Variants in RSPO2 observed in about 807,000 individuals in gnomAD.
The protein encoded by RSPO2 is R-spondin 2, also known as R-spondin-2.
RSPO2 carries 14 observed loss-of-function variants against 30.9 expected under a neutral mutation model. The observed-to-expected ratio is 0.45, with a 90% confidence interval of 0.30 to 0.71. RSPO2 has a LOEUF of 0.71. Among genes scored for constraint, RSPO2 ranks in the 30% least tolerant of loss-of-function variants. The pLI is 0.08. For missense variants in RSPO2, 264 were observed against 301.9 expected (o/e 0.87, Z 0.93); for synonymous variants, 107 against 96.4 (o/e 1.11, Z -0.64).
At chr8:108,030,840 T>A (rs951935106) in intron 2 of RSPO2, among the ~76,000 whole-genome samples, 4 of 152,232 alleles carry the variant, frequency 2.6e-5, no homozygotes, top group African/African-American at 9.6e-5. Flanking sequence ...TTTCTGTTAA[T>A]GACTGAGTTT....
chr8:108,047,733 C>T lies in RSPO2; in HGVS notation c.94+34812G>A, dbSNP rs1000310702. On this transcript the variant is annotated intron_variant, in intron 2 of 5. Coordinates refer to ENST00000276659, the MANE Select transcript of RSPO2 (RefSeq NM_178565.5). Reference sequence around the variant, plus strand: ...AGACATGGTGGCACATACCTGTAGTCCCAGCTATTTGGGAGGCTGAGGCAG... The same window carrying T: ...AGACATGGTGGCACATACCTGTAGTTCCAGCTATTTGGGAGGCTGAGGCAG... Among the ~76,000 whole-genome samples the T allele has an allele frequency of 6.6e-5, 10 of 151,924 alleles. No homozygotes were observed. In the South Asian group the frequency reaches 1.9e-3, roughly 29 times the overall value.
At chr8:107,990,997 G>A (rs140347183) in intron 2 of RSPO2, among the ~76,000 whole-genome samples, 183 of 152,274 alleles carry the variant, frequency 1.2e-3, no homozygotes, top group African/African-American at 3.2e-3. Flanking sequence ...TTGGGAGGCC[G>A]AGGCAGGCAG....
intron 2 of RSPO2, among the ~76,000 whole-genome samples, chr8:108,069,279 T>C (rs529107191): frequency 6.6e-6 from 1 of 152,092 alleles, no homozygotes; most frequent in Admixed American, 6.5e-5. Flanking sequence ...AGTGGCACAA[T>C]CTCAGCTTGC....
intron 2 of RSPO2, among the ~76,000 whole-genome samples, chr8:108,017,654 C>T (rs1020942222): frequency 5.9e-5 from 9 of 152,156 alleles, no homozygotes; most frequent in Non-Finnish European, 1.2e-4. Context: ...AACAGTTTTT[C>T]ATTACAGGTC....
intron 3 of RSPO2, chr8:107,983,878 A>T: frequency 4.7e-6 from 7 of 1,482,816 alleles, no homozygotes; most frequent in Non-Finnish European, 6.6e-6. Flanking sequence ...AAAGCCAAGG[A>T]CATTCCTGTC....
intron 3 of RSPO2, among the ~76,000 whole-genome samples, chr8:107,981,900 G>A (rs534063491): frequency 6.6e-6 from 1 of 151,382 alleles, no homozygotes; most frequent in South Asian, 2.1e-4. Context: ...TGGCTATAGT[G>A]GCACACGACT....
chr8:107,996,211 G>A (rs1006305352), intron 2 of RSPO2, among the ~76,000 whole-genome samples: 1 of 152,180 alleles, frequency 6.6e-6, no homozygotes, highest in Non-Finnish European at 1.5e-5. Flanking sequence ...AAGGTAGCTA[G>A]AGAGAATCCA....
intron 2 of RSPO2, among the ~76,000 whole-genome samples, chr8:108,005,801 G>C (rs1196513091): frequency 1.3e-5 from 2 of 152,132 alleles, no homozygotes; most frequent in Non-Finnish European, 2.9e-5. Context: ...ACAGGAGTTT[G>C]CCTGATGGAA....
chr8:107,982,167 G>T (rs1431257420), intron 3 of RSPO2, among the ~76,000 whole-genome samples: 1 of 151,976 alleles, frequency 6.6e-6, no homozygotes, highest in Non-Finnish European at 1.5e-5. Flanking sequence ...GCAAATTCAT[G>T]GATCTAAAAT....
chr8:107,942,433 A>G (rs1283354525), intron 5 of RSPO2, among the ~76,000 whole-genome samples: 1 of 152,208 alleles, frequency 6.6e-6, no homozygotes, highest in East Asian at 1.9e-4. Context: ...ATAAAATTTC[A>G]GCAAGCTTAA....
chr8:108,070,024 G>A (rs1389273696), intron 2 of RSPO2, among the ~76,000 whole-genome samples: 3 of 152,156 alleles, frequency 2.0e-5, no homozygotes, highest in Non-Finnish European at 2.9e-5. Flanking sequence ...TTCTTATAAT[G>A]AAACATCCTA....
chr8:108,010,910 T>G (rs1002115504), intron 2 of RSPO2, among the ~76,000 whole-genome samples: 4 of 151,508 alleles, frequency 2.6e-5, no homozygotes, highest in African/African-American at 9.7e-5. Flanking sequence ...AGAAACTAAT[T>G]CAAGTGTAGA....
At chr8:107,912,000 CA>C (rs1374794846) in intron 5 of RSPO2, among the ~76,000 whole-genome samples, 1 of 152,124 alleles carries the variant, frequency 6.6e-6, no homozygotes, top group Non-Finnish European at 1.5e-5. Flanking sequence ...CCATATTCCT[CA>C]AATCAGTTAT....
intron 5 of RSPO2, among the ~76,000 whole-genome samples, chr8:107,937,642 G>A (rs1247275490): frequency 6.7e-6 from 1 of 150,248 alleles, no homozygotes; most frequent in Non-Finnish European, 1.5e-5. Flanking sequence ...ACAGAAGAAG[G>A]TGGCCAGAAG....
At chr8:108,076,889 T>C (rs1170801374) in intron 2 of RSPO2, among the ~76,000 whole-genome samples, 1 of 152,178 alleles carries the variant, frequency 6.6e-6, no homozygotes. Context: ...CTAGTCTACA[T>C]TCTCAGTGAG....
intron 2 of RSPO2, among the ~76,000 whole-genome samples, chr8:108,011,201 A>AAAAGG (rs964200894): frequency 2.0e-5 from 3 of 150,374 alleles, no homozygotes; most frequent in African/African-American, 5.0e-5. Context: ...AGGGAAAAGG[A>AAAAGG]AAAGGAAAGG....
intron 2 of RSPO2, among the ~76,000 whole-genome samples, chr8:108,003,305 ATATATATTTTTTTTTTT>A (rs1213212908): frequency 0.045 from 1,178 of 25,994 alleles, 3 homozygotes; most frequent in South Asian, 0.1. Context: ...ATATATATAT[ATATATATTTTTTTTTTT>A]TTTTTTTTTT....
chr8:108,018,447 T>A (rs577061607), intron 2 of RSPO2, among the ~76,000 whole-genome samples: 1 of 152,232 alleles, frequency 6.6e-6, no homozygotes, highest in South Asian at 2.1e-4. Flanking sequence ...TGAGACCACA[T>A]CAAGTAAAAC....
intron 2 of RSPO2, among the ~76,000 whole-genome samples, chr8:108,017,533 G>A (rs934871930): frequency 6.6e-6 from 1 of 152,098 alleles, no homozygotes; most frequent in Non-Finnish European, 1.5e-5. Context: ...AAATTAAAAA[G>A]CAGAGAAGGA....
Sources: gnomAD v4.1 joint callset for allele counts (sites outside exome capture counted in the v4.1 genomes callset) on GRCh38, gnomAD v4.1.1 for gene constraint, MANE v1.5 for transcripts, NCBI Gene and HGNC (gene_info 2026-07-23, HGNC 2026-07-21) for gene names.